Variants in TRDN observed in about 807,000 individuals in gnomAD.
TRDN encodes triadin in skeletal muscle.
In TRDN, 161 loss-of-function variants were observed where a neutral mutation model predicts 149.7. That is an observed-to-expected ratio of 1.08 (90% CI 0.95 to 1.23). TRDN has a LOEUF of 1.23. Ranked by LOEUF, TRDN falls within the 50% of genes most tolerant of loss-of-function variation. The probability of loss-of-function intolerance (pLI) is 0.00; values close to 1 mark genes in which losing one functional copy is unlikely to be tolerated. For synonymous variants in TRDN, 294 were observed against 250.5 expected, an observed-to-expected ratio of 1.17 and a Z score of -1.64; for missense variants, 896 against 823.5, an observed-to-expected ratio of 1.09 and a Z score of -1.08.
intron 3 of TRDN, 137 bp from the exon 4 acceptor site, chr6:123,547,509 C>A (rs1378679126): frequency 4.3e-6 from 2 of 468,358 alleles, no homozygotes; most frequent in African/African-American, 2.1e-5. Context: ...TACTTTGCTT[C>A]CCAAATTCCA....
At chr6:123,591,614 T>G (rs752715868) in intron 1 of TRDN, among the ~76,000 whole-genome samples, 6 of 152,184 alleles carry the variant, frequency 3.9e-5, no homozygotes, top group Non-Finnish European at 4.4e-5. Context: ...ACCTCTATCT[T>G]TCTGGACTGA....
Position 123,429,300 on chromosome 6 carries a change from T to C in TRDN, c.1051+8763A>G, listed in dbSNP as rs528316342. 4.6e-5 allele frequency: 7 copies of C among 152,282 alleles called. No homozygotes were observed. The East Asian group carries it at 1.4e-3, about 29-fold the overall frequency. 9.4% of individuals were successfully genotyped at this position (152,282 alleles called of 1,614,324 possible). ...GGATTATAATGGTTACCTTACAGAGTTGTTATGATTAAATGAGAAAACAGA... is the reference window on the plus strand; with the variant it reads ...GGATTATAATGGTTACCTTACAGAGCTGTTATGATTAAATGAGAAAACAGA... On this transcript the variant is annotated intron_variant, in intron 12 of 40. Coordinates refer to ENST00000334268, the MANE Select transcript of TRDN (RefSeq NM_006073.4).
Position 123,571,131 on chromosome 6 carries a change from T to A in TRDN, c.24A>T (p.Gly8=). The A allele has an allele frequency of 6.2e-7, 1 of 1,613,746 alleles. No individual in the cohort carries two copies. The highest frequency in any genetic ancestry group is 8.5e-7 in the Non-Finnish European group (1 of 1,179,762). Reference sequence around the variant, plus strand: ...TCACAGTTGTGGTTGTAGATGCATTTCCTAATCAAACATTCAGAAAGGAAA... The same window carrying A: ...TCACAGTTGTGGTTGTAGATGCATTACCTAATCAAACATTCAGAAAGGAAA... MTEITAE[G]NASTTTTVID... Residue 8 remains glycine, a splice_region_variant and synonymous_variant, in exon 2 of 41, where the codon GGA becomes GGT. Coordinates refer to ENST00000334268, the MANE Select transcript of TRDN (RefSeq NM_006073.4).
chr6:123,532,463 A>G (rs544013594), intron 4 of TRDN, among the ~76,000 whole-genome samples: 105 of 152,154 alleles, frequency 6.9e-4, no homozygotes, highest in Middle Eastern at 3.4e-3. Flanking sequence ...TTCTTTGGAA[A>G]GCCTTAAAAA....
At position 123,263,845 on chromosome 6, in the gene TRDN, T is replaced by C. The variant is rs116304098; in HGVS notation, c.1804+1473A>G. ...TAGGTCCCTTAAGAATTATGCCAAA[T>C]CTACTCTGCCTGTGTTCTATAACTG... On this transcript the variant is annotated intron_variant, in intron 33 of 40. Coordinates refer to ENST00000334268, the MANE Select transcript of TRDN (RefSeq NM_006073.4). Among the ~76,000 whole-genome samples, 775 of 152,128 alleles carry C rather than the reference T, an allele frequency of 5.1e-3. 8 individuals carry two copies. Among genetic ancestry groups the C allele is most frequent in the African/African-American group, 0.018 (732 of 41,542 alleles).
intron 1 of TRDN, among the ~76,000 whole-genome samples, chr6:123,626,584 A>T (rs186335998): frequency 1.1e-3 from 166 of 152,262 alleles, no homozygotes; most frequent in Admixed American, 4.2e-3. Context: ...TTTCCACTGC[A>T]TCTGCAGTTG....
At chr6:123,374,731 C>T (rs952625225) in intron 19 of TRDN, among the ~76,000 whole-genome samples, 3 of 151,746 alleles carry the variant, frequency 2.0e-5, no homozygotes, top group African/African-American at 4.8e-5. Context: ...GCCAAGATCA[C>T]GCCGCTGCAC....
At chr6:123,442,555 A>AG in intron 10 of TRDN, among the ~76,000 whole-genome samples, 1 of 88,738 alleles carries the variant, frequency 1.1e-5, no homozygotes, top group Middle Eastern at 5.5e-3. Context: ...CAAAAAAAAA[A>AG]AAAAAAGAAA....
intron 20 of TRDN, among the ~76,000 whole-genome samples, chr6:123,356,269 T>C (rs1388170266): frequency 6.6e-6 from 1 of 151,520 alleles, no homozygotes; most frequent in Non-Finnish European, 1.5e-5. Flanking sequence ...GCAGATGTTT[T>C]ATCAGATTAA....
intron 38 of TRDN, among the ~76,000 whole-genome samples, chr6:123,241,267 A>G (rs1775978021): frequency 6.6e-6 from 1 of 151,262 alleles, no homozygotes; most frequent in African/African-American, 2.4e-5. Context: ...TATTATAAGG[A>G]CAAATATGAT....
chr6:123,280,563 GTATCTCTC>G (rs1416194825), intron 24 of TRDN, among the ~76,000 whole-genome samples: 1 of 151,470 alleles, frequency 6.6e-6, no homozygotes, highest in East Asian at 1.9e-4. Flanking sequence ...TCTACATATA[GTATCTCTC>G]TATCTAGATG....
At chr6:123,572,152 G>C (rs1375270251) in intron 1 of TRDN, among the ~76,000 whole-genome samples, 1 of 152,010 alleles carries the variant, frequency 6.6e-6, no homozygotes, top group Admixed American at 6.6e-5. Context: ...GAGAAGATTT[G>C]AATTTTATTT....
chr6:123,351,966 C>T (rs1260527619), intron 21 of TRDN: 83 of 977,422 alleles, frequency 8.5e-5, no homozygotes, highest in Non-Finnish European at 1.0e-4. Context: ...GATATAACTA[C>T]ATAAATACAA....
At chr6:123,364,109 G>C (rs1160665067) in intron 20 of TRDN, among the ~76,000 whole-genome samples, 1 of 152,162 alleles carries the variant, frequency 6.6e-6, no homozygotes. Context: ...AGGCTTTGCT[G>C]AAGTTTCTCT....
At chr6:123,392,641 T>C (rs1180869718) in intron 13 of TRDN, among the ~76,000 whole-genome samples, 3 of 152,096 alleles carry the variant, frequency 2.0e-5, no homozygotes, top group Non-Finnish European at 4.4e-5. Flanking sequence ...AGTTTTTCAA[T>C]GTGAAAACTA....
chr6:123,415,150 A>C (rs1773599112), intron 12 of TRDN, among the ~76,000 whole-genome samples: 1 of 152,208 alleles, frequency 6.6e-6, no homozygotes. Flanking sequence ...AACAGTGCTT[A>C]CTACAAATAA....
chr6:123,585,671 C>T (rs1030678949), intron 1 of TRDN, among the ~76,000 whole-genome samples: 10 of 152,150 alleles, frequency 6.6e-5, no homozygotes, highest in African/African-American at 2.2e-4. Context: ...AGTGGGGTTC[C>T]GTACAGATGG....
At chr6:123,341,153 A>G (rs1338845523) in intron 21 of TRDN, among the ~76,000 whole-genome samples, 3 of 152,048 alleles carry the variant, frequency 2.0e-5, no homozygotes, top group African/African-American at 7.2e-5. Context: ...TATTGTGTTT[A>G]CAATTATCAT....
chr6:123,364,349 C>T (rs1172484734), intron 20 of TRDN, among the ~76,000 whole-genome samples: 1 of 152,134 alleles, frequency 6.6e-6, no homozygotes, highest in African/African-American at 2.4e-5. Context: ...TATATAAAAT[C>T]TAATTCCAGT....
Sources: allele counts gnomAD v4.1 joint callset (sites outside exome capture counted in the v4.1 genomes callset), GRCh38; gene constraint gnomAD v4.1.1; transcripts MANE v1.5; gene names NCBI Gene and HGNC (gene_info 2026-07-23, HGNC 2026-07-21).